NPL: variants seen among roughly 807,000 people sequenced by gnomAD.
NPL encodes N-acetylneuraminate lyase.
A neutral mutation model predicts 41.1 loss-of-function variants in NPL; 32 were observed. That is an observed-to-expected ratio of 0.78 (90% CI 0.59 to 1.05). NPL has a LOEUF of 1.05. Among genes scored for constraint, NPL ranks in the 50% least tolerant of loss-of-function variants. The pLI is 0.00. For missense variants in NPL, 321 were observed against 378.4 expected (o/e 0.85, Z 1.26); for synonymous variants, 128 against 134.9 (o/e 0.95, Z 0.35).
At chr1:182,797,898 C>T (rs1227026063) in intron 3 of NPL, among the ~76,000 whole-genome samples, 1 of 152,182 alleles carries the variant, frequency 6.6e-6, no homozygotes, top group East Asian at 1.9e-4. Context: ...TATCTTATAT[C>T]TTAAGCATGT....
chr1:182,802,015 A>G (rs1351683312), intron 3 of NPL, among the ~76,000 whole-genome samples: 3 of 151,916 alleles, frequency 2.0e-5, no homozygotes, highest in Non-Finnish European at 4.4e-5. Context: ...CACGTATACT[A>G]TCTTCTTTAA....
intron 12 of NPL, chr1:182,826,844 G>C (rs1455623427): frequency 6.6e-6 from 1 of 152,186 alleles, no homozygotes; most frequent in Non-Finnish European, 1.5e-5. Context: ...AAGATGACCA[G>C]TGGATGCCTG....
chr1:182,821,943 G>T lies in NPL; in HGVS notation c.654-172G>T, dbSNP rs1407268428. On this transcript the variant is annotated intron_variant, in intron 10 of 12. Coordinates refer to ENST00000367553, the MANE Select transcript of NPL (RefSeq NM_030769.3). ...CTTCTCTGCAGTACTGCTCAGTATT[G>T]CTGGAAAACTCAGAACTGAAGACAG... is the stretch of plus-strand genomic sequence containing the variant. 2.6e-5 allele frequency among the ~76,000 whole-genome samples: 4 copies of T among 152,076 alleles called. No individual in the cohort carries two copies. The East Asian group carries it at 7.7e-4, about 29-fold the overall frequency.
intron 11 of NPL, 74 bp downstream of exon 11, chr1:182,822,273 T>TA (rs1667510214): frequency 1.0e-6 from 1 of 955,178 alleles, no homozygotes; most frequent in Admixed American, 1.8e-5. Context: ...TTCTTCTCTC[T>TA]ACCATGCCTG....
intron 11 of NPL, among the ~76,000 whole-genome samples, chr1:182,823,705 A>G (rs533189747): frequency 9.5e-4 from 144 of 152,334 alleles, no homozygotes; most frequent in Non-Finnish European, 1.6e-3. Context: ...GAAATCATAG[A>G]TGGAGTAGAC....
chr1:182,816,836 C>A, intron 8 of NPL, 30 bp downstream of exon 8: 1 of 1,516,586 alleles, frequency 6.6e-7, no homozygotes, highest in Non-Finnish European at 9.1e-7. Context: ...ATCTTTCTTT[C>A]CTTCCAACTC....
At chr1:182,792,058 G>GT (rs1666529777) in intron 1 of NPL, among the ~76,000 whole-genome samples, 174 bp from the exon 2 acceptor site, 1 of 152,216 alleles carries the variant, frequency 6.6e-6, no homozygotes, top group African/African-American at 2.4e-5. Flanking sequence ...GATGATGCTG[G>GT]TAAGGGCATG....
chr1:182,818,744 G>A lies in NPL; in HGVS notation c.606+55G>A, dbSNP rs1400072738. ...GTCAGTTCCCTCCAAAACAATTTGT[G>A]TAGCTATATAGTAGCATCTCTTCTC... On this transcript the variant is annotated intron_variant, in intron 9 of 12. Transcript: ENST00000367553. 3.1e-6 allele frequency: 5 copies of A among 1,613,674 alleles called. No homozygotes were observed. The East Asian group carries it at 8.9e-5, about 29-fold the overall frequency.
intron 1 of NPL, chr1:182,791,333 A>T (rs1666510495): frequency 6.6e-6 from 1 of 152,240 alleles, no homozygotes; most frequent in Non-Finnish European, 1.5e-5. Context: ...GAACAAAGGC[A>T]AGCAGACAGA....
chr1:182,826,068 C>T (rs1361553819), intron 12 of NPL: 3 of 573,924 alleles, frequency 5.2e-6, no homozygotes, highest in Non-Finnish European at 9.3e-6. Context: ...CTCTCCTAAA[C>T]CATCAGCACT....
chr1:182,807,971 GA>G (rs59529776), intron 5 of NPL, among the ~76,000 whole-genome samples: 11,008 of 151,756 alleles, frequency 0.073, 544 homozygotes, highest in South Asian at 0.14. Flanking sequence ...CAGAGGGTAG[GA>G]GGCCAGTTGG....
intron 4 of NPL, 140 bp from the exon 5 acceptor site, chr1:182,806,005 C>T (rs1412917675): frequency 2.3e-5 from 22 of 942,972 alleles, no homozygotes; most frequent in Non-Finnish European, 3.5e-5. Context: ...AAGATGGAGT[C>T]TGAAGTGAAA....
intron 3 of NPL, among the ~76,000 whole-genome samples, chr1:182,797,613 C>T (rs897098432): frequency 6.6e-6 from 1 of 152,132 alleles, no homozygotes; most frequent in African/African-American, 2.4e-5. Context: ...TTTCTTGCTC[C>T]ACTTGAACAC....
At chr1:182,796,540 A>G (rs1377712006) in intron 3 of NPL, among the ~76,000 whole-genome samples, 1 of 152,176 alleles carries the variant, frequency 6.6e-6, no homozygotes, top group Non-Finnish European at 1.5e-5. Flanking sequence ...AACAAGGACT[A>G]TTTCCCTATA....
At chr1:182,794,173 C>G (rs564235644) in intron 2 of NPL, among the ~76,000 whole-genome samples, 183 bp from the exon 3 acceptor site, 1 of 152,202 alleles carries the variant, frequency 6.6e-6, no homozygotes, top group South Asian at 2.1e-4. Flanking sequence ...CTACCCTCTC[C>G]TGTCTTAAAG....
At chr1:182,810,587 T>C (rs1667146703) in intron 5 of NPL, among the ~76,000 whole-genome samples, 1 of 152,196 alleles carries the variant, frequency 6.6e-6, no homozygotes, top group African/African-American at 2.4e-5. Context: ...TTAAATTCTA[T>C]TCCCTAGACA....
intron 2 of NPL, among the ~76,000 whole-genome samples, chr1:182,794,146 G>C (rs140270524): frequency 6.6e-6 from 1 of 152,150 alleles, no homozygotes; most frequent in Non-Finnish European, 1.5e-5. Flanking sequence ...GACTGTCCAC[G>C]TAGTATTTTC....
intron 8 of NPL, 149 bp from the exon 9 acceptor site, chr1:182,818,392 T>A: frequency 1.1e-6 from 1 of 906,388 alleles, no homozygotes; most frequent in South Asian, 1.4e-5. Context: ...ACATAGGAGC[T>A]GCTAGTCAGG....
intron 12 of NPL, among the ~76,000 whole-genome samples, chr1:182,827,951 T>C (rs1571282262): frequency 6.6e-6 from 1 of 152,238 alleles, no homozygotes; most frequent in East Asian, 1.9e-4. Flanking sequence ...AACCAGTCTT[T>C]CGGTTAATTT....
Sources: allele counts gnomAD v4.1 joint callset (sites outside exome capture counted in the v4.1 genomes callset), GRCh38; gene constraint gnomAD v4.1.1; transcripts MANE v1.5; gene names NCBI Gene and HGNC (gene_info 2026-07-23, HGNC 2026-07-21).